Variants in DLEU7 observed in about 807,000 individuals in gnomAD.
DLEU7 encodes deleted in lymphocytic leukemia 7.
In DLEU7, 17 loss-of-function variants were observed where a neutral mutation model predicts 16.0. The ratio of observed to expected loss-of-function variants is 1.06; its 90% CI spans 0.73 to 1.59. The LOEUF is 1.59. Ranked by LOEUF, DLEU7 falls within the 40% of genes most tolerant of loss-of-function variation. DLEU7 has a pLI of 0.00. For synonymous variants in DLEU7, 113 were observed against 139.8 expected (o/e 0.81, Z 1.35); for missense variants, 308 against 314.9 (o/e 0.98, Z 0.17).
At chr13:50,736,318 G>A (rs897539662) in intron 1 of DLEU7, among the ~76,000 whole-genome samples, 5 of 152,076 alleles carry the variant, frequency 3.3e-5, no homozygotes, top group Admixed American at 2.0e-4. Context: ...ACATGGACAC[G>A]TAAAGGGGAA....
rs538320747 is a variant in DLEU7 at position 50,732,707 on chromosome 13, T to A, written c.460-19467A>T. Among the ~76,000 whole-genome samples, 173 of 152,080 alleles carry A rather than the reference T, an allele frequency of 1.1e-3. 1 individual carries two copies. The highest frequency in any genetic ancestry group is 4.0e-3 in the African/African-American group (166 of 41,442). The stretch of plus-strand genomic sequence containing the variant: ...CAAAGGAAAAATGATCACACTATGT[T>A]AAATTTCTTTGAGTCCTTTTTTTAA... On this transcript the variant is annotated intron_variant, in intron 1 of 1. Coordinates refer to the DLEU7 transcript ENST00000400393.
intron 1 of DLEU7, among the ~76,000 whole-genome samples, chr13:50,817,014 C>T (rs1024585213): frequency 4.6e-5 from 7 of 152,070 alleles, no homozygotes; most frequent in Admixed American, 3.9e-4. Context: ...CCCTTTTGTA[C>T]CAATCTAAGC....
chr13:50,711,628 C>T (rs200269103), downstream of DLEU7: 2 of 152,146 alleles, frequency 1.3e-5, no homozygotes, highest in Admixed American at 6.5e-5. Context: ...ATCCAATCCA[C>T]GTGAATGTTC....
chr13:50,756,954 G>A (rs914456294), intron 1 of DLEU7, among the ~76,000 whole-genome samples: 2 of 152,136 alleles, frequency 1.3e-5, no homozygotes, highest in African/African-American at 4.8e-5. Flanking sequence ...TCCAGGTAAG[G>A]TTGGAAACTT....
intron 1 of DLEU7, among the ~76,000 whole-genome samples, chr13:50,788,999 T>A (rs942332265): frequency 6.6e-6 from 1 of 152,142 alleles, no homozygotes; most frequent in Non-Finnish European, 1.5e-5. Context: ...TCCCTCTGTA[T>A]GGCTGTAAAT....
At position 50,793,683 on chromosome 13, in the gene DLEU7, C is replaced by G. The variant is rs550500129; in HGVS notation, c.459+49505G>C. Among the ~76,000 whole-genome samples, 3 of 152,254 alleles carry G rather than the reference C, an allele frequency of 2.0e-5. No individual in the cohort carries two copies. The South Asian group carries it at 6.2e-4, about 32-fold the overall frequency. The stretch of plus-strand genomic sequence containing the variant: ...AGTGTCTGTTCATGTGCTTTGCCCA[C>G]TTTTTAATGGGATTGTTTGTTTTTT... On this transcript the variant is annotated intron_variant, in intron 1 of 1. Transcript: ENST00000400393.
chr13:50,761,887 G>T (rs561828759), intron 1 of DLEU7, among the ~76,000 whole-genome samples: 7 of 152,162 alleles, frequency 4.6e-5, no homozygotes, highest in African/African-American at 1.7e-4. Context: ...AATAAGTAGA[G>T]ATTCTTAACT....
At chr13:50,827,673 C>T (rs912930894) in intron 1 of DLEU7, among the ~76,000 whole-genome samples, 1 of 152,152 alleles carries the variant, frequency 6.6e-6, no homozygotes. Flanking sequence ...GGCAACAGAG[C>T]GAGACCCTGT....
Position 50,843,469 on chromosome 13 carries a change from G to A in DLEU7, c.178C>T (p.Arg60Trp), listed in dbSNP as rs1432317857. The A allele has an allele frequency of 3.8e-6, 5 of 1,323,016 alleles. No individual in the cohort carries two copies. The highest frequency in any genetic ancestry group is 4.2e-5 in the Admixed American group (1 of 23,848). The allele number at this position is 1,323,016 out of a possible 1,614,324, so 82.0% of individuals were successfully genotyped here. The change falls in exon 1 of 2, where the codon CGG becomes TGG. Residue 60 changes from arginine (R) to tryptophan (W), a missense_variant. Arg to Trp is a moderately radical substitution (Grantham distance 101). Transcript: ENST00000504404. This position sits in a 1 kb window ranked among gnomAD's most constrained non-coding sequence, Gnocchi z 5.7. Reference protein sequence around the residue: ...PARRSGPPRARPGPGREERGG... With the variant: ...PARRSGPPRAWPGPGREERGG... Reference sequence around the variant, plus strand: ...CGCTCCTCGCGCCCGGGCCCCGGCCGGGCCCGCGGCGGGCCTGAGCGACGG... The same window carrying A: ...CGCTCCTCGCGCCCGGGCCCCGGCCAGGCCCGCGGCGGGCCTGAGCGACGG...
intron 1 of DLEU7, among the ~76,000 whole-genome samples, chr13:50,743,445 C>G (rs1457288886): frequency 1.3e-5 from 2 of 152,180 alleles, no homozygotes; most frequent in African/African-American, 4.8e-5. Flanking sequence ...AGATTTAAAT[C>G]CTGGCTCTAT....
At chr13:50,817,911 A>G (rs1876784590), downstream of DLEU7, among the ~76,000 whole-genome samples, 2 of 151,200 alleles carry the variant, frequency 1.3e-5, no homozygotes, top group African/African-American at 4.8e-5. Context: ...TCAAGACAAG[A>G]GAAGGGGACA....
intron 1 of DLEU7, among the ~76,000 whole-genome samples, chr13:50,831,297 C>A (rs1288881534): frequency 6.6e-6 from 1 of 151,904 alleles, no homozygotes; most frequent in Non-Finnish European, 1.5e-5. Flanking sequence ...AAAGTGGAGG[C>A]CATCAGTAAG....
At chr13:50,834,628 G>A (rs12184561) in intron 1 of DLEU7, among the ~76,000 whole-genome samples, 2 of 152,106 alleles carry the variant, frequency 1.3e-5, no homozygotes, top group Non-Finnish European at 2.9e-5. Context: ...GTGGAAGACA[G>A]TGTGGTGATT....
At chr13:50,750,671 G>GT (rs1874536216) in intron 1 of DLEU7, among the ~76,000 whole-genome samples, 1 of 152,058 alleles carries the variant, frequency 6.6e-6, no homozygotes, top group African/African-American at 2.4e-5. Flanking sequence ...ATATTCCTAT[G>GT]TTTTTTGTTT....
At chr13:50,749,844 G>C (rs1325511817) in intron 1 of DLEU7, among the ~76,000 whole-genome samples, 3 of 152,152 alleles carry the variant, frequency 2.0e-5, no homozygotes, top group Non-Finnish European at 4.4e-5. Flanking sequence ...TTAGTCCTCT[G>C]TCAGATGTAT....
intron 1 of DLEU7, among the ~76,000 whole-genome samples, chr13:50,791,443 G>C (rs1413584117): frequency 6.6e-6 from 1 of 152,122 alleles, no homozygotes; most frequent in Non-Finnish European, 1.5e-5. Context: ...TGGCCTTCTG[G>C]GTCTGGGGAG....
At chr13:50,771,781 T>C (rs910260018) in intron 1 of DLEU7, among the ~76,000 whole-genome samples, 1 of 152,142 alleles carries the variant, frequency 6.6e-6, no homozygotes, top group Non-Finnish European at 1.5e-5. Flanking sequence ...CTATTAGGTC[T>C]GCTTGGTGCA....
At chr13:50,725,704 G>A (rs544762121) in intron 1 of DLEU7, among the ~76,000 whole-genome samples, 4 of 152,280 alleles carry the variant, frequency 2.6e-5, no homozygotes, top group South Asian at 4.1e-4. Flanking sequence ...AGGAGACGCC[G>A]TGTCCACCTA....
chr13:50,736,440 A>G lies in DLEU7; in HGVS notation c.460-23200T>C, dbSNP rs80028493. Among the ~76,000 whole-genome samples the G allele has an allele frequency of 2.4e-3, 363 of 152,258 alleles. 1 individual carries two copies. Among genetic ancestry groups the G allele is most frequent in the African/African-American group, 8.4e-3 (348 of 41,552 alleles). ...CCTGAGTGACAAGATAATTTGTAAA[A>G]CAAACCCCCATGACATGAGTTTACC... On this transcript the variant is annotated intron_variant, in intron 1 of 1. Coordinates refer to the DLEU7 transcript ENST00000400393.
Sources: gnomAD v4.1 joint callset for allele counts (sites outside exome capture counted in the v4.1 genomes callset) on GRCh38, gnomAD v4.1.1 for gene constraint, Gnocchi (gnomAD v3.1) non-coding constraint, MANE v1.5 for transcripts, NCBI Gene and HGNC (gene_info 2026-07-23, HGNC 2026-07-21) for gene names.